Variants in PIP5K1B observed in about 807,000 individuals in gnomAD.
The protein encoded by PIP5K1B is phosphatidylinositol 4-phosphate 5-kinase type-1 beta.
PIP5K1B carries 42 observed loss-of-function variants against 67.0 expected under a neutral mutation model. The ratio of observed to expected loss-of-function variants is 0.63; its 90% CI spans 0.49 to 0.81. PIP5K1B has a LOEUF of 0.81. PIP5K1B is among the 30% of genes least tolerant of loss of function. The probability of loss-of-function intolerance (pLI) is 0.00; values close to 1 mark genes in which losing one functional copy is unlikely to be tolerated. For synonymous variants in PIP5K1B, 214 were observed against 231.4 expected (o/e 0.92, Z 0.68); for missense variants, 459 against 646.3 (o/e 0.71, Z 3.14).
At chr9:68,889,219 T>A in intron 7 of PIP5K1B, 86 bp downstream of exon 7, 1 of 948,572 alleles carries the variant, frequency 1.1e-6, no homozygotes, top group Non-Finnish European at 1.6e-6. Flanking sequence ...TTTCAGTGAC[T>A]CAGGCATGTT....
At chr9:68,804,842 A>G (rs1261572113) in intron 2 of PIP5K1B, among the ~76,000 whole-genome samples, 2 of 152,106 alleles carry the variant, frequency 1.3e-5, no homozygotes, top group African/African-American at 2.4e-5. Context: ...TGTTACTTGG[A>G]GTTGTTGGAA....
chr9:68,885,526 A>G (rs1318330530), intron 6 of PIP5K1B, among the ~76,000 whole-genome samples: 45 of 152,236 alleles, frequency 3.0e-4, no homozygotes, highest in Admixed American at 2.9e-3. Context: ...CCATTCTACA[A>G]TGTATTCATG....
intron 1 of PIP5K1B, among the ~76,000 whole-genome samples, chr9:68,720,847 G>A (rs187892139): frequency 1.5e-3 from 233 of 152,282 alleles, no homozygotes; most frequent in African/African-American, 5.3e-3. Context: ...ATCCTTTACC[G>A]TGTCTGAAAT....
intron 4 of PIP5K1B, 50 bp downstream of exon 4, chr9:68,822,733 C>T (rs765541948): frequency 7.8e-7 from 1 of 1,275,308 alleles, no homozygotes; most frequent in Non-Finnish European, 1.1e-6. Context: ...TGCTGTTTGG[C>T]ACGTGAATAT....
chr9:68,836,647 A>G (rs1422408277), intron 4 of PIP5K1B, among the ~76,000 whole-genome samples: 1 of 152,078 alleles, frequency 6.6e-6, no homozygotes, highest in Non-Finnish European at 1.5e-5. Flanking sequence ...ACACATATGT[A>G]TAGCTTATTT....
chr9:68,911,331 C>T (rs1825837639), intron 8 of PIP5K1B, among the ~76,000 whole-genome samples: 1 of 150,420 alleles, frequency 6.6e-6, no homozygotes, highest in South Asian at 2.1e-4. Context: ...CGAGAACATG[C>T]CATTGCACTC....
chr9:68,873,108 C>T (rs936290660), intron 5 of PIP5K1B, among the ~76,000 whole-genome samples: 2 of 151,668 alleles, frequency 1.3e-5, no homozygotes, highest in South Asian at 2.1e-4. Context: ...ATAGCATTGC[C>T]CCTCAAGCTA....
chr9:68,875,117 TG>T (rs2132310968), intron 5 of PIP5K1B, among the ~76,000 whole-genome samples: 1 of 151,936 alleles, frequency 6.6e-6, no homozygotes, highest in East Asian at 1.9e-4. Context: ...GTGGATGATT[TG>T]GGGGTCATTC....
At chr9:68,780,491 C>T (rs575711149) in intron 2 of PIP5K1B, 9 of 1,614,196 alleles carry the variant, frequency 5.6e-6, no homozygotes, top group African/African-American at 1.3e-5. Flanking sequence ...AGGTGCAGAC[C>T]GCAATGCAGA....
intron 4 of PIP5K1B, among the ~76,000 whole-genome samples, chr9:68,838,232 A>G (rs1181877512): frequency 6.6e-6 from 1 of 151,936 alleles, no homozygotes; most frequent in Non-Finnish European, 1.5e-5. Flanking sequence ...TATTCTAGGT[A>G]GCAATCATAT....
intron 1 of PIP5K1B, among the ~76,000 whole-genome samples, chr9:68,711,896 T>C (rs1827412608): frequency 1.3e-5 from 2 of 152,214 alleles, no homozygotes; most frequent in Non-Finnish European, 2.9e-5. Context: ...TTTAAGCTTC[T>C]CTAAGTTAAT....
chr9:68,926,232 C>A (rs1035271892), intron 12 of PIP5K1B, among the ~76,000 whole-genome samples: 2 of 152,038 alleles, frequency 1.3e-5, no homozygotes, highest in African/African-American at 4.8e-5. Context: ...GGTGAGCCTC[C>A]CTTAGGAGAC....
chr9:68,775,134 A>G (rs982969834), intron 2 of PIP5K1B, among the ~76,000 whole-genome samples: 4 of 152,202 alleles, frequency 2.6e-5, no homozygotes, highest in African/African-American at 7.2e-5. Flanking sequence ...CATTGCCATC[A>G]ATTGGAATGC....
intron 12 of PIP5K1B, among the ~76,000 whole-genome samples, chr9:68,924,479 G>GA (rs1354688833): frequency 1.4e-5 from 2 of 141,692 alleles, no homozygotes; most frequent in Non-Finnish European, 3.1e-5. Context: ...TGAATAACTA[G>GA]AAACAGAAGA....
chr9:68,852,301 G>C (rs1323452562), intron 4 of PIP5K1B, among the ~76,000 whole-genome samples: 2 of 152,112 alleles, frequency 1.3e-5, no homozygotes, highest in Non-Finnish European at 2.9e-5. Flanking sequence ...ATAAGGGGTA[G>C]TTCAGTGTCT....
chr9:68,970,843 G>A (rs1829324908), intron 14 of PIP5K1B, among the ~76,000 whole-genome samples: 1 of 152,198 alleles, frequency 6.6e-6, no homozygotes, highest in Admixed American at 6.5e-5. Flanking sequence ...AATGGAAGCA[G>A]CAACTTCAAA....
At chr9:68,864,764 ATCCAG>A (rs67554118) in intron 5 of PIP5K1B, among the ~76,000 whole-genome samples, 1 of 49,680 alleles carries the variant, frequency 2.0e-5, no homozygotes, top group Non-Finnish European at 5.0e-5. Flanking sequence ...TTTTCAAATG[ATCCAG>A]AAAATAAAAA....
chr9:68,968,683 G>A (rs1223962296), intron 14 of PIP5K1B, among the ~76,000 whole-genome samples: 1 of 149,940 alleles, frequency 6.7e-6, no homozygotes, highest in African/African-American at 2.5e-5. Flanking sequence ...TGGACAGTGT[G>A]TTAGGATCCT....
At chr9:68,848,050 TCA>T (rs1491106774) in intron 4 of PIP5K1B, among the ~76,000 whole-genome samples, 3,709 of 152,318 alleles carry the variant, frequency 0.024, 77 homozygotes, top group East Asian at 0.1. Context: ...TGCCACCTCC[TCA>T]CTGTGTAGCC....
Sources: gnomAD v4.1 joint callset for allele counts (sites outside exome capture counted in the v4.1 genomes callset) on GRCh38, gnomAD v4.1.1 for gene constraint, MANE v1.5 for transcripts, NCBI Gene and HGNC (gene_info 2026-07-23, HGNC 2026-07-21) for gene names.